Variants in DST observed in about 807,000 individuals in gnomAD.
The protein encoded by DST is dystonin.
A neutral mutation model predicts 875.2 loss-of-function variants in DST; 253 were observed. The observed-to-expected ratio is 0.29, with a 90% CI of 0.26 to 0.32. The LOEUF (loss-of-function observed/expected upper bound fraction) is 0.32, where lower values mean the gene tolerates loss of function less well. Ranked by LOEUF, DST falls within the 10% of genes least tolerant of loss-of-function variation. DST has a pLI of 1.00. For missense variants in DST, 8,287 were observed against 9,111.6 expected (o/e 0.91, Z 3.68); for synonymous variants, 3,124 against 3,197.1 (o/e 0.98, Z 0.77).
intron 5 of DST, among the ~76,000 whole-genome samples, chr6:56,721,042 A>C (rs1390510702): frequency 6.8e-6 from 1 of 147,340 alleles, no homozygotes; most frequent in African/African-American, 2.5e-5. Flanking sequence ...CCTCCCAGAC[A>C]GGGCAGCTGC....
chr6:56,763,402 T>G (rs1292326091), intron 4 of DST, among the ~76,000 whole-genome samples: 1 of 152,104 alleles, frequency 6.6e-6, no homozygotes, highest in Non-Finnish European at 1.5e-5. Context: ...CCAGGCATGG[T>G]GGCTCACGCC....
At chr6:56,748,839 C>T (rs1472667517) in intron 4 of DST, among the ~76,000 whole-genome samples, 1 of 152,124 alleles carries the variant, frequency 6.6e-6, no homozygotes, top group African/African-American at 2.4e-5. Context: ...TGAATCAAAC[C>T]CATACAGTCT....
chr6:56,680,227 C>T (rs2099150599), intron 9 of DST, among the ~76,000 whole-genome samples: 1 of 152,166 alleles, frequency 6.6e-6, no homozygotes, highest in Non-Finnish European at 1.5e-5. Context: ...TACCATTCCA[C>T]TAAAACTAAG....
intron 80 of DST, among the ~76,000 whole-genome samples, chr6:56,499,804 T>C (rs912905010): frequency 2.0e-5 from 3 of 152,264 alleles, no homozygotes; most frequent in East Asian, 3.9e-4. Context: ...TTTAAGACAG[T>C]TGATAGGTTT....
chr6:56,868,450 T>C (rs570083025), intron 3 of DST, among the ~76,000 whole-genome samples: 17 of 152,360 alleles, frequency 1.1e-4, no homozygotes, highest in Middle Eastern at 3.4e-3. Context: ...CCTCTTTATA[T>C]AGTTACCCTG....
intron 69 of DST, among the ~76,000 whole-genome samples, chr6:56,521,307 A>G (rs1019594476): frequency 6.6e-6 from 1 of 152,020 alleles, no homozygotes; most frequent in African/African-American, 2.4e-5. Context: ...ATATCTGAAT[A>G]AAATTTAACA....
chr6:56,604,569 C>T lies in DST; in HGVS notation c.10059G>A (p.Glu3353=), dbSNP rs749527672. 23 of 1,611,826 alleles carry T rather than the reference C, an allele frequency of 1.4e-5. 1 individual carries two copies. The South Asian group carries it at 2.5e-4, about 18-fold the overall frequency. Residue 3353 remains glutamate (E), a synonymous_variant, in exon 40 of 104, where the codon GAG becomes GAA. Coordinates refer to ENST00000680361, the MANE Select transcript of DST (RefSeq NM_001374736.1). The part of the protein sequence containing the change: ...QIPELSQVFV[E]DVKDILKSRL... ...TGCTTTTTAAGATATCCTTTACATC[C>T]TCCACAAATACCTGAGACAATTCAG...
chr6:56,613,416 C>T (rs1431279319), intron 37 of DST, among the ~76,000 whole-genome samples: 1 of 152,140 alleles, frequency 6.6e-6, no homozygotes, highest in African/African-American at 2.4e-5. Flanking sequence ...CCAAGTAAGA[C>T]AAGGCACTGG....
chr6:56,758,189 C>T (rs753534130), intron 4 of DST, among the ~76,000 whole-genome samples: 6 of 152,190 alleles, frequency 3.9e-5, no homozygotes, highest in Non-Finnish European at 8.8e-5. Flanking sequence ...GGAATAAATA[C>T]ACATTTCCCA....
chr6:56,636,506 T>C, intron 23 of DST, 51 bp downstream of exon 23: 2 of 1,470,280 alleles, frequency 1.4e-6, no homozygotes, highest in East Asian at 2.3e-5. Flanking sequence ...TTCCTGCAAG[T>C]TAGCCAAAAT....
intron 77 of DST, among the ~76,000 whole-genome samples, chr6:56,505,780 G>A (rs954952741): frequency 1.3e-5 from 2 of 151,948 alleles, no homozygotes; most frequent in African/African-American, 4.8e-5. Context: ...GGTTAAGGGA[G>A]GTAGGGAGAG....
At position 56,458,804 on chromosome 6, in the gene DST, T is replaced by C. The variant is rs554105582; in HGVS notation, c.*201A>G. On this transcript the variant is annotated 3_prime_UTR_variant, in exon 104 of 104. Coordinates refer to ENST00000680361, the MANE Select transcript of DST (RefSeq NM_001374736.1). ...TCATGTTAAACTTTTCCTCCTCACATATGATGTGACTTTAACCCCAGAATA... is the reference window on the plus strand; with the variant it reads ...TCATGTTAAACTTTTCCTCCTCACACATGATGTGACTTTAACCCCAGAATA... 2.5e-4 allele frequency: 137 copies of C among 542,228 alleles called. No homozygotes were observed. The highest frequency in any genetic ancestry group is 3.9e-4 in the Admixed American group (11 of 28,028). 33.6% of individuals were successfully genotyped at this position (542,228 alleles called of 1,614,324 possible). A position where few individuals can be genotyped will look rare whatever the true frequency, so the allele number is the denominator to read the frequency against.
chr6:56,602,647 C>T (rs574902396), intron 43 of DST, among the ~76,000 whole-genome samples: 2 of 151,676 alleles, frequency 1.3e-5, no homozygotes, highest in South Asian at 4.2e-4. Context: ...AAATAAAAAT[C>T]TCAACATGTC....
intron 2 of DST, among the ~76,000 whole-genome samples, chr6:56,910,222 AGTGGT>A (rs1214745395): frequency 6.6e-6 from 1 of 152,216 alleles, no homozygotes; most frequent in Non-Finnish European, 1.5e-5. Context: ...GCTAGAGAAC[AGTGGT>A]GTGATCATAG....
intron 5 of DST, among the ~76,000 whole-genome samples, chr6:56,726,843 C>CGGTCTGA (rs930441566): frequency 2.6e-5 from 4 of 152,138 alleles, no homozygotes; most frequent in African/African-American, 9.7e-5. Flanking sequence ...TTCCTTAGTA[C>CGGTCTGA]GGTCTGAGGA....
At chr6:56,782,934 C>G (rs543752186) in intron 4 of DST, among the ~76,000 whole-genome samples, 1 of 152,238 alleles carries the variant, frequency 6.6e-6, no homozygotes, top group Non-Finnish European at 1.5e-5. Context: ...ACTTTGTTCT[C>G]GTTGGTTTCA....
At chr6:56,616,613 G>A in intron 36 of DST, 1 of 1,614,130 alleles carries the variant, frequency 6.2e-7, no homozygotes, top group Non-Finnish European at 8.5e-7. Context: ...GTTGCTGGAT[G>A]GCTCATGTAA....
intron 97 of DST, 31 bp from the exon 98 acceptor site, chr6:56,469,030 C>A: frequency 6.5e-7 from 1 of 1,548,604 alleles, no homozygotes; most frequent in Non-Finnish European, 8.8e-7. Context: ...AAGAAAGACA[C>A]AATTAGTTCA....
At chr6:56,609,783 G>A (rs149926707) in intron 39 of DST, among the ~76,000 whole-genome samples, 228 of 152,200 alleles carry the variant, frequency 1.5e-3, no homozygotes, top group Non-Finnish European at 2.6e-3. Context: ...TTCAAAGATA[G>A]TCAAAAACTA....
Sources: gnomAD v4.1 joint callset for allele counts (sites outside exome capture counted in the v4.1 genomes callset) on GRCh38, gnomAD v4.1.1 for gene constraint, MANE v1.5 for transcripts, NCBI Gene and HGNC (gene_info 2026-07-23, HGNC 2026-07-21) for gene names.